ENTREP2: variants seen among roughly 807,000 people sequenced by gnomAD.
ENTREP2 encodes protein ENTREP2.
chr15:29,159,155 C>G, the ENTREP2 span, among the ~76,000 whole-genome samples: 1,392 of 152,028 alleles, frequency 9.2e-3, 20 homozygotes, highest in African/African-American at 0.031. Context: ...TGTCTGGAGT[C>G]TGTTCGTTCT....
chr15:29,206,803 A>G, the ENTREP2 span, among the ~76,000 whole-genome samples: 1 of 152,294 alleles, frequency 6.6e-6, no homozygotes, highest in South Asian at 2.1e-4. Flanking sequence ...TACGTGAATT[A>G]TATCACAATA....
At chr15:29,570,659 AGGCGGGACAGGCTGCGGGGCAGCGC>A in the ENTREP2 span, 1 of 1,301,170 alleles carries the variant, frequency 7.7e-7, no homozygotes. Context: ...GCACTCGCGC[AGGCGGGACAGGCTGCGGGGCAGCGC>A]GGCGGGACGC....
At chr15:29,219,574 C>T in the ENTREP2 span, among the ~76,000 whole-genome samples, 1 of 127,850 alleles carries the variant, frequency 7.8e-6, no homozygotes, top group Admixed American at 8.7e-5. Context: ...AATCCAAATG[C>T]CCATCAGTCA....
chr15:29,387,451 T>A, the ENTREP2 span, among the ~76,000 whole-genome samples: 1 of 152,176 alleles, frequency 6.6e-6, no homozygotes, highest in Non-Finnish European at 1.5e-5. Flanking sequence ...TACAAACCAC[T>A]GCTCAACGAA....
chr15:29,537,295 T>C, the ENTREP2 span, among the ~76,000 whole-genome samples: 1 of 152,034 alleles, frequency 6.6e-6, no homozygotes. Context: ...ACCAACATCC[T>C]TCCTTCATCC....
At chr15:29,255,582 G>A in the ENTREP2 span, among the ~76,000 whole-genome samples, 1 of 152,054 alleles carries the variant, frequency 6.6e-6, no homozygotes. Flanking sequence ...TCACCCATAT[G>A]TTCACCACAG....
the ENTREP2 span, among the ~76,000 whole-genome samples, chr15:29,579,831 C>T: frequency 6.6e-6 from 1 of 151,408 alleles, no homozygotes; most frequent in Non-Finnish European, 1.5e-5. Context: ...CTGCCTCAGC[C>T]TCCCGAGTAG....
the ENTREP2 span, among the ~76,000 whole-genome samples, chr15:29,350,700 T>C: frequency 6.6e-6 from 1 of 152,168 alleles, no homozygotes; most frequent in Non-Finnish European, 1.5e-5. Context: ...CTCAGCACTT[T>C]GGGAGGCCGA....
chr15:29,160,628 A>G, the ENTREP2 span, among the ~76,000 whole-genome samples: 1,367 of 150,386 alleles, frequency 9.1e-3, 18 homozygotes, highest in African/African-American at 0.031. Context: ...AGAATCACTC[A>G]AACCTGGGAG....
At chr15:29,649,525 A>AGCCT in the ENTREP2 span, among the ~76,000 whole-genome samples, 1 of 152,056 alleles carries the variant, frequency 6.6e-6, no homozygotes, top group African/African-American at 2.4e-5. Flanking sequence ...GTTTGAGACC[A>AGCCT]GCCTGGCCAA....
At chr15:29,490,408 G>C in the ENTREP2 span, among the ~76,000 whole-genome samples, 3 of 152,228 alleles carry the variant, frequency 2.0e-5, no homozygotes, top group Non-Finnish European at 4.4e-5. Context: ...AACCCAAACA[G>C]TTTGCGGCTG....
chr15:29,648,427 G>T, the ENTREP2 span, among the ~76,000 whole-genome samples: 6 of 152,154 alleles, frequency 3.9e-5, no homozygotes, highest in Non-Finnish European at 8.8e-5. Flanking sequence ...TGCTGTTGTT[G>T]GTCTCTCATG....
At chr15:29,478,017 A>ATTTT in the ENTREP2 span, among the ~76,000 whole-genome samples, 43 of 56,962 alleles carry the variant, frequency 7.5e-4, no homozygotes, top group African/African-American at 1.7e-3. Context: ...ATATATATAT[A>ATTTT]TATTTTTTTT....
the ENTREP2 span, among the ~76,000 whole-genome samples, chr15:29,311,176 A>C: frequency 6.6e-6 from 1 of 152,132 alleles, no homozygotes; most frequent in Middle Eastern, 3.2e-3. Context: ...TTCTCCTGTT[A>C]ATTTCAAACA....
chr15:29,582,359 A>G, the ENTREP2 span, among the ~76,000 whole-genome samples: 1 of 152,258 alleles, frequency 6.6e-6, no homozygotes. Flanking sequence ...AATGAAAGGA[A>G]AAAAGAATTT....
At chr15:29,582,795 G>A in the ENTREP2 span, among the ~76,000 whole-genome samples, 3 of 152,074 alleles carry the variant, frequency 2.0e-5, no homozygotes, top group African/African-American at 7.2e-5. Flanking sequence ...GGGATTACAG[G>A]CAGGCGCCAC....
the ENTREP2 span, among the ~76,000 whole-genome samples, chr15:29,250,313 G>A: frequency 6.6e-6 from 1 of 152,154 alleles, no homozygotes; most frequent in Non-Finnish European, 1.5e-5. Flanking sequence ...CCTTGTATGA[G>A]CCAAGGCAGA....
the ENTREP2 span, among the ~76,000 whole-genome samples, chr15:29,205,290 A>C: frequency 6.6e-6 from 1 of 152,202 alleles, no homozygotes. Context: ...ATGGGTGTGC[A>C]CATATCTATT....
At chr15:29,365,949 G>C in the ENTREP2 span, among the ~76,000 whole-genome samples, 11 of 152,124 alleles carry the variant, frequency 7.2e-5, no homozygotes, top group African/African-American at 2.7e-4. Flanking sequence ...TGAAACACGT[G>C]TCCTGTGCTC....
Sources: gnomAD v4.1 joint callset for allele counts (sites outside exome capture counted in the v4.1 genomes callset) on GRCh38, gnomAD v4.1.1 for gene constraint, MANE v1.5 for transcripts, NCBI Gene and HGNC (gene_info 2026-07-23, HGNC 2026-07-21) for gene names.